METTL5: variants seen among roughly 807,000 people sequenced by gnomAD.
METTL5 encodes methyltransferase 5, N6-adenosine.
A neutral mutation model predicts 26.5 loss-of-function variants in METTL5; 28 were observed. The observed-to-expected ratio is 1.06, with a 90% confidence interval of 0.78 to 1.45. The LOEUF is 1.45. Ranked by LOEUF, METTL5 falls within the 40% of genes most tolerant of loss-of-function variation. The pLI is 0.00. For synonymous variants in METTL5, 86 were observed against 82.6 expected (o/e 1.04, Z -0.22); for missense variants, 231 against 249.9 (o/e 0.92, Z 0.51).
chr2:169,819,436 G>A (rs2081553686), intron 4 of METTL5, 125 bp downstream of exon 4: 5 of 629,182 alleles, frequency 7.9e-6, no homozygotes, highest in Non-Finnish European at 1.0e-5. Flanking sequence ...GAAAATTTAA[G>A]TTTCACATGT....
At chr2:169,812,074 AT>A (rs941579453) in intron 6 of METTL5, 525 of 594,874 alleles carry the variant, frequency 8.8e-4, no homozygotes, top group Middle Eastern at 1.4e-3. Flanking sequence ...ACAGTTTTTG[AT>A]TTTTTTTTTC....
intron 3 of METTL5, 25 bp downstream of exon 3, chr2:169,821,066 CA>C: frequency 6.5e-7 from 1 of 1,535,810 alleles, no homozygotes; most frequent in Non-Finnish European, 8.8e-7. Flanking sequence ...ATAAATATAC[CA>C]ATATACCCGA....
In METTL5 at chr2:169,821,284, A is replaced by G; in HGVS notation, c.225-11T>C. On this transcript the variant is annotated splice_polypyrimidine_tract_variant and intron_variant, in intron 2 of 6. Transcript: ENST00000260953. ...AATCCAACACACAACCTATAAATAC[A>G]AAACACATACAAAGAGTGGCGACTT... The G allele has an allele frequency of 6.4e-7, 1 of 1,574,524 alleles. No homozygotes were observed. Among genetic ancestry groups the G allele is most frequent in the Non-Finnish European group, 8.6e-7 (1 of 1,163,132 alleles).
chr2:169,814,468 C>CAAAAAAAAA (rs572823948), intron 5 of METTL5, among the ~76,000 whole-genome samples: 15 of 57,554 alleles, frequency 2.6e-4, no homozygotes, highest in Admixed American at 9.7e-4. Flanking sequence ...GGCTTTGTCT[C>CAAAAAAAAA]AAAAAAAAAA....
At chr2:169,823,427 G>A (rs540906920) in intron 1 of METTL5, among the ~76,000 whole-genome samples, 51 of 152,316 alleles carry the variant, frequency 3.3e-4, no homozygotes, top group Middle Eastern at 6.8e-3. Flanking sequence ...TTGGAGTTAA[G>A]TGTAAATACA....
chr2:169,816,285 ATACTT>A (rs2081503938), intron 4 of METTL5, among the ~76,000 whole-genome samples: 1 of 152,218 alleles, frequency 6.6e-6, no homozygotes, highest in Non-Finnish European at 1.5e-5. Flanking sequence ...TGCCAAGACT[ATACTT>A]TCAGGGATCA....
At chr2:169,812,434 C>T in intron 6 of METTL5, 23 bp downstream of exon 6, 1 of 1,613,890 alleles carries the variant, frequency 6.2e-7, no homozygotes, top group Non-Finnish European at 8.5e-7. Context: ...CGAATGTAGA[C>T]CAGCCAAAAT....
At chr2:169,812,429 G>A (rs1690003443) in intron 6 of METTL5, 28 bp downstream of exon 6, 1 of 1,613,880 alleles carries the variant, frequency 6.2e-7, no homozygotes, top group Non-Finnish European at 8.5e-7. Context: ...AATACCGAAT[G>A]TAGACCAGCC....
At chr2:169,815,757 C>T (rs1036700215) in intron 4 of METTL5, among the ~76,000 whole-genome samples, 3 of 152,168 alleles carry the variant, frequency 2.0e-5, no homozygotes, top group Non-Finnish European at 2.9e-5. Context: ...TAGAAAGCTA[C>T]TCATGCACCA....
At chr2:169,816,289 T>C (rs902109701) in intron 4 of METTL5, among the ~76,000 whole-genome samples, 3 of 152,208 alleles carry the variant, frequency 2.0e-5, no homozygotes, top group African/African-American at 4.8e-5. Flanking sequence ...AAGACTATAC[T>C]TTCAGGGATC....
At chr2:169,815,995 G>C (rs2081500901) in intron 4 of METTL5, among the ~76,000 whole-genome samples, 1 of 151,796 alleles carries the variant, frequency 6.6e-6, no homozygotes, top group South Asian at 2.1e-4. Context: ...TTGTAGCCTA[G>C]GAACAACAGA....
chr2:169,815,606 G>A (rs2081495782), intron 4 of METTL5, 78 bp from the exon 5 acceptor site: 1 of 1,065,342 alleles, frequency 9.4e-7, no homozygotes, highest in South Asian at 1.6e-5. Context: ...TAATACTTGA[G>A]ATTGAGTTTT....
chr2:169,822,199 A>G (rs891965074), intron 1 of METTL5, 142 bp from the exon 2 acceptor site: 1 of 1,226,280 alleles, frequency 8.2e-7, no homozygotes, highest in Non-Finnish European at 1.1e-6. Context: ...TTTGTAAAAG[A>G]TAAGGGGTAA....
intron 3 of METTL5, among the ~76,000 whole-genome samples, chr2:169,820,231 T>C (rs1240706055): frequency 6.6e-6 from 1 of 152,128 alleles, no homozygotes; most frequent in Non-Finnish European, 1.5e-5. Context: ...GCTGGGATTA[T>C]AGGCGTGAGC....
intron 6 of METTL5, 103 bp downstream of exon 6, chr2:169,812,354 C>T (rs764769930): frequency 1.9e-6 from 3 of 1,602,964 alleles, no homozygotes; most frequent in Non-Finnish European, 1.7e-6. Flanking sequence ...GATTCTCTTG[C>T]CTCAGCCTCC....
At chr2:169,818,353 C>A (rs888883386) in intron 4 of METTL5, among the ~76,000 whole-genome samples, 6 of 152,170 alleles carry the variant, frequency 3.9e-5, no homozygotes, top group Admixed American at 3.9e-4. Context: ...TTTCTCCTTG[C>A]TGATTTTGCT....
intron 4 of METTL5, among the ~76,000 whole-genome samples, chr2:169,817,298 G>A (rs897908939): frequency 6.6e-6 from 1 of 152,180 alleles, no homozygotes; most frequent in Admixed American, 6.5e-5. Flanking sequence ...ATGCTGGAGA[G>A]GATGTGGAGA....
chr2:169,823,994 C>T (rs2081618950), intron 1 of METTL5, among the ~76,000 whole-genome samples: 1 of 152,212 alleles, frequency 6.6e-6, no homozygotes. Flanking sequence ...CTTTACACAG[C>T]ACATACTCTG....
chr2:169,823,109 G>A (rs1238766308), intron 1 of METTL5, among the ~76,000 whole-genome samples: 1 of 152,008 alleles, frequency 6.6e-6, no homozygotes, highest in Non-Finnish European at 1.5e-5. Context: ...CTTAGTATCA[G>A]CAGCTGGGAC....
Sources: gnomAD v4.1 joint callset for allele counts (sites outside exome capture counted in the v4.1 genomes callset) on GRCh38, gnomAD v4.1.1 for gene constraint, MANE v1.5 for transcripts, NCBI Gene and HGNC (gene_info 2026-07-23, HGNC 2026-07-21) for gene names.